Variants in DAAM1 observed in about 807,000 individuals in gnomAD.
DAAM1 encodes the protein dishevelled associated activator of morphogenesis 1.
A neutral mutation model predicts 130.0 loss-of-function variants in DAAM1; 52 were observed. The ratio of observed to expected loss-of-function variants is 0.40; its 90% CI spans 0.32 to 0.50. The LOEUF is 0.50. DAAM1 is among the 20% of genes least tolerant of loss of function. DAAM1 has a pLI of 0.61. For missense variants in DAAM1, 1,134 were observed against 1,303.8 expected, an observed-to-expected ratio of 0.87 and a Z score of 2.01; for synonymous variants, 452 against 444.5, an observed-to-expected ratio of 1.02 and a Z score of -0.21.
At chr14:59,300,892 TCTTA>T (rs1425222576) in intron 3 of DAAM1, among the ~76,000 whole-genome samples, 1 of 152,230 alleles carries the variant, frequency 6.6e-6, no homozygotes, top group African/African-American at 2.4e-5. Flanking sequence ...TTTCAGTTTT[TCTTA>T]CTATTTAAAA....
chr14:59,217,642 A>G (rs1023676602), intron 1 of DAAM1, among the ~76,000 whole-genome samples: 1 of 151,962 alleles, frequency 6.6e-6, no homozygotes, highest in African/African-American at 2.4e-5. Flanking sequence ...TTCGAGGCCA[A>G]CCTGGGCAAA....
intron 1 of DAAM1, among the ~76,000 whole-genome samples, chr14:59,191,598 A>C (rs148593446): frequency 6.6e-6 from 1 of 152,106 alleles, no homozygotes; most frequent in Non-Finnish European, 1.5e-5. Flanking sequence ...AAGGCCTTCT[A>C]TGTATTTGAA....
At position 59,338,171 on chromosome 14, in the gene DAAM1, C is replaced by T. The variant is rs549635423; in HGVS notation, c.1969-1903C>T. Among the ~76,000 whole-genome samples the T allele has an allele frequency of 7.2e-5, 11 of 152,286 alleles. No individual in the cohort carries two copies. The South Asian group carries it at 2.1e-3, about 29-fold the overall frequency. On this transcript the variant is annotated intron_variant, in intron 15 of 24. Coordinates refer to ENST00000360909, the MANE Select transcript of DAAM1 (RefSeq NM_001270520.2). ...GGGTACAGCAAATGTCATCGTCTTT[C>T]TCTACCCTGAATGCTTAGTATTGTG...
chr14:59,321,192 G>T (rs184189656), intron 5 of DAAM1, among the ~76,000 whole-genome samples: 167 of 152,318 alleles, frequency 1.1e-3, no homozygotes, highest in African/African-American at 3.8e-3. Context: ...TATGCTAAGT[G>T]GGAGAAGCCA....
chr14:59,326,025 T>C lies in DAAM1; in HGVS notation c.1122T>C (p.Ser374=). 6.2e-7 allele frequency: 1 copy of C among 1,614,202 alleles called. No homozygotes were observed. The highest frequency in any genetic ancestry group is 8.5e-7 in the Non-Finnish European group (1 of 1,180,026). Reference sequence around the variant, plus strand: ...TGACCAGGAAGAGGCTGACACATAGTGAAGCTTACCCGCATTTCATGTCCA... The same window carrying C: ...TGACCAGGAAGAGGCTGACACATAGCGAAGCTTACCCGCATTTCATGTCCA... ...FELTRKRLTH[S]EAYPHFMSIL... is the part of the protein sequence containing the mutation. Residue 374 remains serine, a synonymous_variant, in exon 10 of 25, where the codon AGT becomes AGC. Transcript: ENST00000360909.
intron 15 of DAAM1, among the ~76,000 whole-genome samples, chr14:59,332,916 T>TAACTC (rs1359214684): frequency 2.0e-5 from 3 of 152,074 alleles, no homozygotes; most frequent in African/African-American, 7.2e-5. Flanking sequence ...GAGAGGCCCT[T>TAACTC]AACTCCCAGA....
chr14:59,277,358 G>T (rs17096015), intron 2 of DAAM1, among the ~76,000 whole-genome samples: 4 of 151,862 alleles, frequency 2.6e-5, no homozygotes, highest in African/African-American at 9.7e-5. Context: ...GAATTGGTAA[G>T]GTTTCTTTGT....
At chr14:59,324,265 A>T in intron 7 of DAAM1, 27 bp downstream of exon 7, 1 of 1,377,080 alleles carries the variant, frequency 7.3e-7, no homozygotes, top group Non-Finnish European at 9.5e-7. Flanking sequence ...AATTAAAAAT[A>T]TATTAGTAAA....
chr14:59,208,202 C>G (rs1362115855), intron 1 of DAAM1, among the ~76,000 whole-genome samples: 1 of 152,124 alleles, frequency 6.6e-6, no homozygotes. Context: ...AAAATAAAAT[C>G]CTAAGCCTCC....
At chr14:59,251,734 C>T (rs1881651269) in intron 1 of DAAM1, among the ~76,000 whole-genome samples, 1 of 152,204 alleles carries the variant, frequency 6.6e-6, no homozygotes, top group African/African-American at 2.4e-5. Flanking sequence ...ATCTTGCATA[C>T]AGTTGAAGCG....
At chr14:59,246,600 A>G (rs547675842) in intron 1 of DAAM1, among the ~76,000 whole-genome samples, 2 of 152,218 alleles carry the variant, frequency 1.3e-5, no homozygotes, top group South Asian at 2.1e-4. Flanking sequence ...GCAGAATTAT[A>G]TTATTAATTT....
At chr14:59,243,880 C>T (rs17095932) in intron 1 of DAAM1, among the ~76,000 whole-genome samples, 16,854 of 152,182 alleles carry the variant, frequency 0.11, 1,539 homozygotes, top group African/African-American at 0.26. Context: ...ACATTAGCAT[C>T]CCAGGGATAC....
intron 1 of DAAM1, among the ~76,000 whole-genome samples, chr14:59,199,375 G>A (rs1306733999): frequency 6.6e-6 from 1 of 152,192 alleles, no homozygotes; most frequent in African/African-American, 2.4e-5. Flanking sequence ...TGGGATTACA[G>A]GCGCATGCAA....
chr14:59,326,581 A>C lies in DAAM1; in HGVS notation c.1246A>C (p.Asn416His). ...DRIIQQIVIQNDKGQDPDSTP... is the reference protein window; with the variant it reads ...DRIIQQIVIQHDKGQDPDSTP... Reference sequence around the variant, plus strand: ...AATTATACAGCAGATAGTTATCCAGAATGACAAAGGACAGGACCCTGACTC... The same window carrying C: ...AATTATACAGCAGATAGTTATCCAGCATGACAAAGGACAGGACCCTGACTC... Residue 416 changes from asparagine to histidine, a missense_variant, in exon 11 of 25, where the codon AAT (asparagine) becomes CAT (histidine). Around this residue, in one of 3 missense-constraint regions of DAAM1, gnomAD observed 391 missense variants for 521.6 expected, o/e 0.75. Coordinates refer to ENST00000360909, the MANE Select transcript of DAAM1 (RefSeq NM_001270520.2). The C allele has an allele frequency of 6.2e-7, 1 of 1,614,044 alleles. No homozygotes were observed. Among genetic ancestry groups the C allele is most frequent in the African/African-American group, 1.3e-5 (1 of 75,018 alleles).
At chr14:59,240,837 C>T (rs940121836) in intron 1 of DAAM1, among the ~76,000 whole-genome samples, 8 of 152,230 alleles carry the variant, frequency 5.3e-5, no homozygotes, top group Admixed American at 1.3e-4. Flanking sequence ...GCCATGTGTC[C>T]ATCTCTGGAT....
intron 1 of DAAM1, among the ~76,000 whole-genome samples, chr14:59,212,676 C>T (rs1300679725): frequency 2.0e-5 from 3 of 152,178 alleles, no homozygotes; most frequent in African/African-American, 7.2e-5. Context: ...ATTCTAATAG[C>T]CACAGCTAGT....
chr14:59,243,264 T>TGTAG (rs547556373), intron 1 of DAAM1, among the ~76,000 whole-genome samples: 20 of 152,330 alleles, frequency 1.3e-4, no homozygotes, highest in African/African-American at 3.8e-4. Flanking sequence ...CACTGCTTTG[T>TGTAG]GTAGGTCCAG....
intron 1 of DAAM1, among the ~76,000 whole-genome samples, chr14:59,262,961 A>C (rs1278349442): frequency 2.6e-5 from 4 of 152,234 alleles, no homozygotes; most frequent in Admixed American, 6.5e-5. Flanking sequence ...GAATGTGATC[A>C]TGCTAAAGTG....
intron 1 of DAAM1, among the ~76,000 whole-genome samples, chr14:59,222,659 A>C (rs1888813199): frequency 6.6e-6 from 1 of 152,190 alleles, no homozygotes; most frequent in Non-Finnish European, 1.5e-5. Flanking sequence ...GCATCCATAG[A>C]ATAGGTCATT....
Sources: allele counts gnomAD v4.1 joint callset (sites outside exome capture counted in the v4.1 genomes callset), GRCh38; gene constraint gnomAD v4.1.1; regional missense constraint gnomAD v4.1.1; transcripts MANE v1.5; gene names NCBI Gene and HGNC (gene_info 2026-07-23, HGNC 2026-07-21).